CDH17: variants seen among roughly 807,000 people sequenced by gnomAD.
CDH17 encodes the protein cadherin-17.
Under a neutral mutation model 86.3 loss-of-function variants are expected in CDH17, and 67 were observed. The observed-to-expected ratio is 0.78, with a 90% confidence interval of 0.64 to 0.95. The LOEUF is 0.95. Among genes scored for constraint, CDH17 ranks in the 40% least tolerant of loss-of-function variants. CDH17 has a pLI of 0.00. For synonymous variants in CDH17, 367 were observed against 366.4 expected (o/e 1.00, Z -0.02); for missense variants, 993 against 1,017.6 (o/e 0.98, Z 0.33).
intron 3 of CDH17, among the ~76,000 whole-genome samples, chr8:94,179,190 A>G (rs1287900068): frequency 3.3e-5 from 5 of 152,180 alleles, no homozygotes; most frequent in Admixed American, 6.6e-5. Flanking sequence ...GTAGCTTCCC[A>G]AAAGCTCCAT....
At chr8:94,164,667 C>G (rs550424043) in intron 10 of CDH17, among the ~76,000 whole-genome samples, 1 of 152,122 alleles carries the variant, frequency 6.6e-6, no homozygotes, top group Non-Finnish European at 1.5e-5. Context: ...CAGTGTGAAA[C>G]GTTTCTTGTT....
intron 15 of CDH17, among the ~76,000 whole-genome samples, chr8:94,135,236 T>TA (rs1473420118): frequency 1.3e-5 from 2 of 152,222 alleles, no homozygotes; most frequent in African/African-American, 4.8e-5. Context: ...GTCTCATTGA[T>TA]ATGTCTAATA....
At chr8:94,177,552 T>C (rs79317393) in intron 4 of CDH17, 35 bp downstream of exon 4, 22,859 of 1,610,502 alleles carry the variant, frequency 0.014, 183 homozygotes, top group Middle Eastern at 0.044. Flanking sequence ...CTCAGAGAGG[T>C]TGGAGTTAGA....
chr8:94,186,762 T>C (rs762984166), intron 3 of CDH17, among the ~76,000 whole-genome samples: 9 of 152,336 alleles, frequency 5.9e-5, no homozygotes, highest in Non-Finnish European at 1.3e-4. Flanking sequence ...ATGCTCTGAG[T>C]GATCACACAG....
chr8:94,138,417 C>A (rs781289788), intron 15 of CDH17, among the ~76,000 whole-genome samples: 1 of 152,080 alleles, frequency 6.6e-6, no homozygotes, highest in African/African-American at 2.4e-5. Flanking sequence ...AGCTTACCAC[C>A]CAAAGCAAAT....
chr8:94,153,332 G>C (rs2130606584), intron 12 of CDH17, among the ~76,000 whole-genome samples: 1 of 152,272 alleles, frequency 6.6e-6, no homozygotes, highest in East Asian at 1.9e-4. Context: ...CCTCACACCT[G>C]TTAGAATGAC....
intron 3 of CDH17, among the ~76,000 whole-genome samples, chr8:94,179,472 T>C (rs955426692): frequency 6.6e-6 from 1 of 152,166 alleles, no homozygotes; most frequent in Admixed American, 6.5e-5. Context: ...ATCTCTAATA[T>C]ATTCCTGGCA....
intron 3 of CDH17, among the ~76,000 whole-genome samples, chr8:94,182,580 A>C (rs1813504025): frequency 6.6e-6 from 1 of 152,074 alleles, no homozygotes. Context: ...TCATGATAAA[A>C]ACACTCAACA....
intron 7 of CDH17, 87 bp downstream of exon 7, chr8:94,173,710 T>C: frequency 1.1e-6 from 1 of 943,542 alleles, no homozygotes; most frequent in Non-Finnish European, 1.7e-6. Context: ...CTAATAAGTG[T>C]ATCAGTGAAG....
chr8:94,137,419 G>C (rs1345095171), intron 15 of CDH17, among the ~76,000 whole-genome samples: 1 of 152,154 alleles, frequency 6.6e-6, no homozygotes, highest in Non-Finnish European at 1.5e-5. Context: ...AGTGAACAAG[G>C]CTCTGTGGGC....
rs780691446 is a variant in CDH17 at position 94,194,707 on chromosome 8, T to C, written c.-20-2A>G. The stretch of plus-strand genomic sequence containing the variant: ...TCATAGTTTTCTTTATTCAAATTCC[T>C]GTGAAGGAACCAGATAAAAAAATGG... On this transcript the variant is annotated splice_acceptor_variant, in intron 1 of 17. Transcript: ENST00000027335. LOFTEE classifies it low-confidence loss of function (5UTR_SPLICE). The C allele has an allele frequency of 1.3e-6, 2 of 1,552,100 alleles. No homozygotes were observed. The highest frequency in any genetic ancestry group is 1.8e-6 in the Non-Finnish European group (2 of 1,130,778).
At chr8:94,151,753 AT>A in intron 13 of CDH17, 114 bp downstream of exon 13, 1 of 1,364,106 alleles carries the variant, frequency 7.3e-7, no homozygotes, top group African/African-American at 1.4e-5. Context: ...CAATTTCATC[AT>A]TGCTGGGTAT....
intron 3 of CDH17, among the ~76,000 whole-genome samples, chr8:94,183,719 C>T (rs931626326): frequency 2.6e-5 from 4 of 151,714 alleles, no homozygotes; most frequent in Non-Finnish European, 4.4e-5. Context: ...TGGACTTCAT[C>T]GAAATTCAAA....
intron 9 of CDH17, among the ~76,000 whole-genome samples, chr8:94,169,892 T>G (rs961583228): frequency 6.6e-6 from 1 of 152,290 alleles, no homozygotes; most frequent in East Asian, 1.9e-4. Flanking sequence ...CCTCTTGAAT[T>G]ATATTATCAG....
In CDH17 at chr8:94,165,951, T is replaced by G. The variant is rs749205630; in HGVS notation, c.1092A>C (p.Ala364=). ...CAGTATTTTCTTCATCCCTGTCATG[T>G]GCAGTAAGGGTCCCGATACTGTTAC... is the stretch of plus-strand genomic sequence containing the variant. ...RLGNSIGTLT[A]HDRDEENTAN... Residue 364 remains alanine, a synonymous_variant, in exon 10 of 18, where the codon GCA becomes GCC. Coordinates refer to ENST00000027335, the MANE Select transcript of CDH17 (RefSeq NM_004063.4). The G allele has an allele frequency of 3.1e-6, 5 of 1,613,454 alleles. No individual in the cohort carries two copies. The Admixed American group carries it at 8.3e-5, about 27-fold the overall frequency.
intron 13 of CDH17, among the ~76,000 whole-genome samples, chr8:94,151,241 A>G (rs981568020): frequency 2.0e-5 from 3 of 152,246 alleles, no homozygotes; most frequent in Admixed American, 1.3e-4. Context: ...TTCTTAAGTT[A>G]ATCATCATTG....
intron 1 of CDH17, among the ~76,000 whole-genome samples, chr8:94,204,350 A>G (rs994902718): frequency 1.3e-5 from 2 of 152,048 alleles, no homozygotes; most frequent in African/African-American, 2.4e-5. Flanking sequence ...CCCCTGTGTC[A>G]TGTGTTCTCA....
intron 6 of CDH17, 28 bp from the exon 7 acceptor site, chr8:94,174,024 G>C (rs747730027): frequency 6.2e-7 from 1 of 1,609,628 alleles, no homozygotes; most frequent in South Asian, 1.1e-5. Flanking sequence ...GAAGGGAATA[G>C]GAAGTGTCTC....
chr8:94,139,892 TA>T (rs1160825593), intron 15 of CDH17, among the ~76,000 whole-genome samples: 3 of 109,986 alleles, frequency 2.7e-5, no homozygotes, highest in African/African-American at 7.4e-5. Context: ...CTCCAAAAAA[TA>T]AAAAATAAAT....
Sources: allele counts gnomAD v4.1 joint callset (sites outside exome capture counted in the v4.1 genomes callset), GRCh38; gene constraint gnomAD v4.1.1; transcripts MANE v1.5; gene names NCBI Gene and HGNC (gene_info 2026-07-23, HGNC 2026-07-21).